PPARGC1A: variants seen among roughly 807,000 people sequenced by gnomAD.
PPARGC1A encodes the protein PPARG coactivator 1 alpha.
PPARGC1A carries 25 observed loss-of-function variants against 88.7 expected under a neutral mutation model. The ratio of observed to expected loss-of-function variants is 0.28; its 90% CI spans 0.21 to 0.39. The LOEUF (loss-of-function observed/expected upper bound fraction) is 0.39, where lower values mean the gene tolerates loss of function less well. Among genes scored for constraint, PPARGC1A ranks in the 10% least tolerant of loss-of-function variants. The pLI is 1.00. For synonymous variants in PPARGC1A, 363 were observed against 355.6 expected, an observed-to-expected ratio of 1.02 and a Z score of -0.24; for missense variants, 880 against 968.7, an observed-to-expected ratio of 0.91 and a Z score of 1.22.
the PPARGC1A span, among the ~76,000 whole-genome samples, chr4:24,460,855 TAA>T: frequency 3.9e-5 from 6 of 152,238 alleles, no homozygotes; most frequent in Non-Finnish European, 7.3e-5. Context: ...TATTGAAGTA[TAA>T]TAAATCCAAA....
the PPARGC1A span, among the ~76,000 whole-genome samples, chr4:24,451,459 A>C: frequency 6.6e-6 from 1 of 152,204 alleles, no homozygotes; most frequent in East Asian, 1.9e-4. Flanking sequence ...GATTTATTTT[A>C]GTCCAGTTCT....
chr4:24,106,788 T>G, the PPARGC1A span, among the ~76,000 whole-genome samples: 1 of 152,230 alleles, frequency 6.6e-6, no homozygotes, highest in Non-Finnish European at 1.5e-5. Context: ...AAGGGCATCC[T>G]TGCTCACATG....
At chr4:23,800,813 T>C (rs190260577) in intron 12 of PPARGC1A, among the ~76,000 whole-genome samples, 2 of 151,956 alleles carry the variant, frequency 1.3e-5, no homozygotes, top group African/African-American at 4.8e-5. Flanking sequence ...ATTAATATTA[T>C]GTATGCTTCA....
the PPARGC1A span, among the ~76,000 whole-genome samples, chr4:24,243,254 T>C: frequency 6.6e-6 from 1 of 152,172 alleles, no homozygotes; most frequent in South Asian, 2.1e-4. Context: ...ATTATTAATA[T>C]TTGGAACCCA....
chr4:24,432,412 G>C, the PPARGC1A span, among the ~76,000 whole-genome samples: 1 of 152,166 alleles, frequency 6.6e-6, no homozygotes, highest in Non-Finnish European at 1.5e-5. Flanking sequence ...GGGATTGGAA[G>C]GTAGCTAACC....
chr4:24,461,435 A>AATGATAGCT, the PPARGC1A span, among the ~76,000 whole-genome samples: 1 of 152,186 alleles, frequency 6.6e-6, no homozygotes, highest in Admixed American at 6.5e-5. Context: ...TAAAAGAGAT[A>AATGATAGCT]ATGATAGCTA....
the PPARGC1A span, among the ~76,000 whole-genome samples, chr4:24,413,913 C>A: frequency 5.3e-5 from 8 of 152,142 alleles, no homozygotes; most frequent in Non-Finnish European, 1.2e-4. Context: ...TTAATCCTTA[C>A]AACAACCCCT....
chr4:24,438,278 A>G, the PPARGC1A span, among the ~76,000 whole-genome samples: 2 of 152,266 alleles, frequency 1.3e-5, no homozygotes, highest in Non-Finnish European at 2.9e-5. Flanking sequence ...CTGAGTAAGA[A>G]ACAGATGTGA....
the PPARGC1A span, among the ~76,000 whole-genome samples, chr4:24,238,180 T>C: frequency 6.6e-6 from 1 of 152,190 alleles, no homozygotes; most frequent in Non-Finnish European, 1.5e-5. Flanking sequence ...GTAATTTACC[T>C]AATTCCAGAG....
At chr4:24,315,378 T>C in the PPARGC1A span, among the ~76,000 whole-genome samples, 3 of 152,248 alleles carry the variant, frequency 2.0e-5, no homozygotes, top group East Asian at 1.9e-4. Context: ...ATGAAGGAAA[T>C]GGCCTTTCTT....
chr4:24,126,267 C>CCACACACACACACACACACACACACA, the PPARGC1A span, among the ~76,000 whole-genome samples: 45 of 146,540 alleles, frequency 3.1e-4, no homozygotes, highest in African/African-American at 1.0e-3. Context: ...TGGCTTCTCA[C>CCACACACACACACACACACACACACA]CACACACACA....
At chr4:24,307,058 G>A in the PPARGC1A span, among the ~76,000 whole-genome samples, 2 of 152,152 alleles carry the variant, frequency 1.3e-5, no homozygotes, top group Admixed American at 6.5e-5. Context: ...CTGGTTTGTA[G>A]AATTTCCAAA....
the PPARGC1A span, among the ~76,000 whole-genome samples, chr4:23,951,865 C>T: frequency 6.6e-6 from 1 of 152,142 alleles, no homozygotes; most frequent in Non-Finnish European, 1.5e-5. Context: ...ATTCATTCAT[C>T]AGTGATATGT....
chr4:24,286,674 C>T, the PPARGC1A span, among the ~76,000 whole-genome samples: 1 of 152,284 alleles, frequency 6.6e-6, no homozygotes, highest in African/African-American at 2.4e-5. Context: ...ACCACCTTTC[C>T]TCCACACTCC....
At chr4:24,325,724 C>T in the PPARGC1A span, among the ~76,000 whole-genome samples, 14 of 152,178 alleles carry the variant, frequency 9.2e-5, no homozygotes, top group African/African-American at 3.1e-4. Flanking sequence ...CCACAGATGC[C>T]GAGCTTTGAG....
chr4:24,017,474 G>C, the PPARGC1A span, among the ~76,000 whole-genome samples: 3 of 152,036 alleles, frequency 2.0e-5, no homozygotes, highest in African/African-American at 7.2e-5. Flanking sequence ...GTACATAATA[G>C]TGTACACCAG....
chr4:23,936,937 C>T, the PPARGC1A span, among the ~76,000 whole-genome samples: 1 of 151,998 alleles, frequency 6.6e-6, no homozygotes, highest in Non-Finnish European at 1.5e-5. Flanking sequence ...CAGAATGGAG[C>T]AAAGCACCAG....
At chr4:24,472,386 G>T in the PPARGC1A span, among the ~76,000 whole-genome samples, 2 of 152,062 alleles carry the variant, frequency 1.3e-5, no homozygotes, top group East Asian at 1.9e-4. The surrounding 1 kb of genome is among the most constrained non-coding windows in gnomAD (Gnocchi z 4.5). Context: ...TGGTTGGAAG[G>T]GGTTTCCCAG....
chr4:24,083,686 G>A, the PPARGC1A span, among the ~76,000 whole-genome samples: 2 of 152,110 alleles, frequency 1.3e-5, no homozygotes, highest in Non-Finnish European at 2.9e-5. Context: ...GTTGAACCAT[G>A]AAGCCATTCC....
Sources: gnomAD v4.1 joint callset for allele counts (sites outside exome capture counted in the v4.1 genomes callset) on GRCh38, gnomAD v4.1.1 for gene constraint, Gnocchi (gnomAD v3.1) non-coding constraint, MANE v1.5 for transcripts, NCBI Gene and HGNC (gene_info 2026-07-23, HGNC 2026-07-21) for gene names.